WDR5: variants seen among roughly 807,000 people sequenced by gnomAD.
WDR5 encodes the protein WD repeat-containing protein 5.
For synonymous variants in WDR5, 144 were observed against 161.6 expected, an observed-to-expected ratio of 0.89 and a Z score of 0.83; for missense variants, 187 against 416.9, an observed-to-expected ratio of 0.45 and a Z score of 4.80.
chr9:134,154,294 TG>T (rs1356055467), intron 9 of WDR5, among the ~76,000 whole-genome samples, 171 bp from the exon 10 acceptor site: 2 of 152,090 alleles, frequency 1.3e-5, no homozygotes, highest in Admixed American at 1.3e-4. Context: ...TCACGGCTGG[TG>T]TGCGTGGCTA....
chr9:134,155,952 T>C (rs1046132155), intron 12 of WDR5, among the ~76,000 whole-genome samples, 185 bp downstream of exon 12: 5 of 152,206 alleles, frequency 3.3e-5, no homozygotes, highest in African/African-American at 1.2e-4. Context: ...TCTAGGTCCA[T>C]CTCCTTAACG....
intron 9 of WDR5, among the ~76,000 whole-genome samples, 169 bp downstream of exon 9, chr9:134,152,198 G>T (rs989612772): frequency 6.6e-6 from 1 of 152,232 alleles, no homozygotes; most frequent in Non-Finnish European, 1.5e-5. Context: ...CTGACCGCCC[G>T]CTGGCTCTGT....
Position 134,141,513 on chromosome 9 carries a change from C to T in WDR5, c.194C>T (p.Ala65Val). 1 of 1,613,978 alleles carries T rather than the reference C, an allele frequency of 6.2e-7. No individual in the cohort carries two copies. The highest frequency in any genetic ancestry group is 8.5e-7 in the Non-Finnish European group (1 of 1,179,932). ...AGATCCTTTTGTTTTCTTTCAGCTGCTGATAAACTTATTAAAATTTGGGGC... is the reference window on the plus strand; with the variant it reads ...AGATCCTTTTGTTTTCTTTCAGCTGTTGATAAACTTATTAAAATTTGGGGC... ...PNGEWLASSSADKLIKIWGAY... is the reference protein window; with the variant it reads ...PNGEWLASSSVDKLIKIWGAY... The change falls in exon 4 of 14, where the codon GCT (alanine) becomes GTT (valine). Residue 65 changes from alanine to valine, a missense_variant. Physicochemically the swap from Ala to Val is moderately conservative, Grantham distance 64 (BLOSUM62 0). Coordinates refer to ENST00000358625, the MANE Select transcript of WDR5 (RefSeq NM_017588.3).
At chr9:134,156,711 C>A in intron 13 of WDR5, 118 bp downstream of exon 13, 1 of 933,240 alleles carries the variant, frequency 1.1e-6, no homozygotes. Flanking sequence ...CTCAGCCCTC[C>A]GCTGGCCCCG....
Position 134,142,774 on chromosome 9 carries a change from C to T in WDR5, c.528+55C>T, listed in dbSNP as rs935277501. 19 of 1,569,212 alleles carry T rather than the reference C, an allele frequency of 1.2e-5. No individual in the cohort carries two copies. The Admixed American group carries it at 1.5e-4, about 12-fold the overall frequency. ...GTCCAGCACTACGTTTCTCTGACATCGGATGTGGCCAGCTGTCTCCCTGAG... is the reference window on the plus strand; with the variant it reads ...GTCCAGCACTACGTTTCTCTGACATTGGATGTGGCCAGCTGTCTCCCTGAG... On this transcript the variant is annotated intron_variant, in intron 7 of 13. Transcript: ENST00000358625.
intron 8 of WDR5, among the ~76,000 whole-genome samples, chr9:134,148,997 T>TA (rs1182000670): frequency 6.6e-6 from 1 of 152,152 alleles, no homozygotes; most frequent in African/African-American, 2.4e-5. Context: ...GGACACATCA[T>TA]AAGCTGTTCA....
intron 1 of WDR5, among the ~76,000 whole-genome samples, chr9:134,137,559 C>G (rs1831629768): frequency 6.6e-6 from 1 of 151,052 alleles, no homozygotes; most frequent in Non-Finnish European, 1.5e-5. Context: ...TGGTACGCGC[C>G]TGTAATCCCG....
intron 7 of WDR5, among the ~76,000 whole-genome samples, chr9:134,145,100 T>TTTTTTG (rs1554726644): frequency 1.7e-5 from 2 of 116,946 alleles, no homozygotes; most frequent in Non-Finnish European, 3.5e-5. Context: ...GGCTTTGTTT[T>TTTTTTG]TTTTTTTTTT....
At chr9:134,143,987 G>C (rs1222002831) in intron 7 of WDR5, among the ~76,000 whole-genome samples, 1 of 152,268 alleles carries the variant, frequency 6.6e-6, no homozygotes, top group Non-Finnish European at 1.5e-5. Flanking sequence ...GCGGAAGGAA[G>C]GGTGGATGCA....
chr9:134,155,606 T>A, intron 11 of WDR5, 87 bp from the exon 12 acceptor site: 1 of 1,401,296 alleles, frequency 7.1e-7, no homozygotes, highest in South Asian at 1.2e-5. Context: ...GTGAAGTGAG[T>A]AGTGAAACGC....
At chr9:134,149,019 G>A (rs1832356477) in intron 8 of WDR5, among the ~76,000 whole-genome samples, 1 of 152,134 alleles carries the variant, frequency 6.6e-6, no homozygotes, top group South Asian at 2.1e-4. Flanking sequence ...ATTGGTCACT[G>A]GGGAGGAGGA....
At chr9:134,137,667 C>CAAAAAAAAAAAA (rs139470012) in intron 1 of WDR5, among the ~76,000 whole-genome samples, 1 of 93,420 alleles carries the variant, frequency 1.1e-5, no homozygotes, top group Non-Finnish European at 2.1e-5. Flanking sequence ...GACTGTGTCT[C>CAAAAAAAAAAAA]AAAAAAAAAA....
At chr9:134,139,766 T>A in intron 1 of WDR5, 54 bp from the exon 2 acceptor site, 1 of 1,176,510 alleles carries the variant, frequency 8.5e-7, no homozygotes, top group Non-Finnish European at 1.2e-6. Flanking sequence ...TGGAAATCAA[T>A]TTTTTAAAAT....
chr9:134,153,745 GT>G (rs1407920945), intron 9 of WDR5, among the ~76,000 whole-genome samples: 1 of 151,178 alleles, frequency 6.6e-6, no homozygotes, highest in Non-Finnish European at 1.5e-5. Context: ...GTGCTTGGGG[GT>G]CGGTGGGGGT....
Position 134,159,517 on chromosome 9 carries a change from C to G in WDR5, c.*1524C>G, listed in dbSNP as rs565142037. The stretch of plus-strand genomic sequence containing the variant: ...CCCAGGGAGGAAGCGGGGGGTTTGT[C>G]AGGTGGGCTCTCCTGGAGGTCCTCG... On this transcript the variant is annotated 3_prime_UTR_variant, in exon 14 of 14. Coordinates refer to ENST00000358625, the MANE Select transcript of WDR5 (RefSeq NM_017588.3). This position sits in a 1 kb window ranked among gnomAD's most constrained non-coding sequence, Gnocchi z 4.3. 6.6e-6 allele frequency: 1 copy of G among 152,266 alleles called. No homozygotes were observed. The highest frequency in any genetic ancestry group is 1.5e-5 in the Non-Finnish European group (1 of 68,140). 9.4% of individuals were successfully genotyped at this position (152,266 alleles called of 1,614,324 possible). A position where few individuals can be genotyped will look rare whatever the true frequency, so the allele number is the denominator to read the frequency against.
intron 10 of WDR5, among the ~76,000 whole-genome samples, chr9:134,154,942 C>T (rs183604999): frequency 2.6e-5 from 4 of 152,336 alleles, no homozygotes; most frequent in Admixed American, 6.5e-5. Flanking sequence ...CTTTCCCATG[C>T]GTGCACCCTC....
At chr9:134,147,527 G>A (rs1832267471) in intron 7 of WDR5, among the ~76,000 whole-genome samples, 1 of 152,128 alleles carries the variant, frequency 6.6e-6, no homozygotes, top group African/African-American at 2.4e-5. Flanking sequence ...TGTCCCCCCC[G>A]GAAGAGTCTG....
chr9:134,156,453 T>C (rs896808953), intron 12 of WDR5, 53 bp from the exon 13 acceptor site: 2 of 1,554,782 alleles, frequency 1.3e-6, no homozygotes, highest in Middle Eastern at 1.7e-4. Flanking sequence ...TTCACATGCA[T>C]GAGCTCTGAC....
chr9:134,137,791 T>C (rs2132519407), intron 1 of WDR5, among the ~76,000 whole-genome samples: 1 of 152,314 alleles, frequency 6.6e-6, no homozygotes, highest in South Asian at 2.1e-4. Flanking sequence ...TTTCACTGTT[T>C]GGCCCAGGCT....
Sources: gnomAD v4.1 joint callset for allele counts (sites outside exome capture counted in the v4.1 genomes callset) on GRCh38, gnomAD v4.1.1 for gene constraint, Gnocchi (gnomAD v3.1) non-coding constraint, MANE v1.5 for transcripts, NCBI Gene and HGNC (gene_info 2026-07-23, HGNC 2026-07-21) for gene names.